Variants in MDGA2 observed in about 807,000 individuals in gnomAD.
MDGA2 encodes MAM domain containing glycosylphosphatidylinositol anchor 2, also known as MAM domain-containing glycosylphosphatidylinositol anchor protein 2.
Under a neutral mutation model 117.8 loss-of-function variants are expected in MDGA2, and 40 were observed. That is an observed-to-expected ratio of 0.34 (90% CI 0.26 to 0.44). The LOEUF (loss-of-function observed/expected upper bound fraction) is 0.44. Among genes scored for constraint, MDGA2 ranks in the 20% least tolerant of loss-of-function variants. MDGA2 has a pLI of 1.00. For synonymous variants in MDGA2, 452 were observed against 439.0 expected, an observed-to-expected ratio of 1.03 and a Z score of -0.37; for missense variants, 1,123 against 1,250.6, an observed-to-expected ratio of 0.90 and a Z score of 1.54.
intron 7 of MDGA2, among the ~76,000 whole-genome samples, chr14:47,058,027 A>G (rs542221135): frequency 6.6e-6 from 1 of 152,266 alleles, no homozygotes; most frequent in African/African-American, 2.4e-5. Flanking sequence ...AAAAGTCATC[A>G]AAAACATATG....
At chr14:47,120,480 T>G (rs556295690) in intron 5 of MDGA2, among the ~76,000 whole-genome samples, 1 of 152,270 alleles carries the variant, frequency 6.6e-6, no homozygotes, top group South Asian at 2.1e-4. Flanking sequence ...CTTTGAAATA[T>G]GAACTAAAGC....
intron 2 of MDGA2, among the ~76,000 whole-genome samples, chr14:47,256,396 C>A (rs564503645): frequency 7.9e-5 from 12 of 152,280 alleles, no homozygotes; most frequent in East Asian, 5.8e-4. Flanking sequence ...GAGTGACACT[C>A]ACCAACAGTA....
intron 1 of MDGA2, among the ~76,000 whole-genome samples, chr14:47,531,774 T>A (rs1483995908): frequency 6.6e-6 from 1 of 152,178 alleles, no homozygotes; most frequent in Non-Finnish European, 1.5e-5. Flanking sequence ...ATTAAGGAAA[T>A]AATGGTTTCT....
intron 1 of MDGA2, among the ~76,000 whole-genome samples, chr14:47,605,088 C>CT (rs113284410): frequency 6.6e-6 from 1 of 151,836 alleles, no homozygotes; most frequent in East Asian, 1.9e-4. Context: ...CCTCCTCTCT[C>CT]TTTTCCCCCA....
intron 1 of MDGA2, among the ~76,000 whole-genome samples, chr14:47,517,977 G>A (rs1230946267): frequency 6.6e-6 from 1 of 152,128 alleles, no homozygotes; most frequent in Non-Finnish European, 1.5e-5. Context: ...TGCCCATGAT[G>A]AGGAGAGAAA....
chr14:47,000,394 T>C (rs1369809556), intron 8 of MDGA2, among the ~76,000 whole-genome samples: 1 of 20,896 alleles, frequency 4.8e-5, no homozygotes, highest in African/African-American at 8.9e-5. Flanking sequence ...TATATATTTA[T>C]ATATAAATAT....
chr14:47,102,394 A>AAAC (rs1880387441), intron 5 of MDGA2, among the ~76,000 whole-genome samples: 2 of 128,516 alleles, frequency 1.6e-5, no homozygotes, highest in South Asian at 2.5e-4. Context: ...CACACACACA[A>AAAC]ACACACACAC....
chr14:47,274,742 T>A (rs1888257509), intron 2 of MDGA2, among the ~76,000 whole-genome samples: 1 of 152,138 alleles, frequency 6.6e-6, no homozygotes, highest in Non-Finnish European at 1.5e-5. Context: ...GACCTTATTT[T>A]TGTTCATAGG....
rs373398923 is a variant in MDGA2 at position 47,449,811 on chromosome 14, T to G, written c.281-148261A>C. Among the ~76,000 whole-genome samples the G allele has an allele frequency of 1.4e-4, 22 of 152,260 alleles. No homozygotes were observed. The South Asian group carries it at 2.9e-3, about 20-fold the overall frequency. Reference sequence around the variant, plus strand: ...TCCAGAATCTTGGTCAGAATGTGCTTTCTTATGCAAAAACAAAAACAAAAA... The same window carrying G: ...TCCAGAATCTTGGTCAGAATGTGCTGTCTTATGCAAAAACAAAAACAAAAA... On this transcript the variant is annotated intron_variant, in intron 1 of 16. Transcript: ENST00000399232.
intron 8 of MDGA2, among the ~76,000 whole-genome samples, chr14:47,017,948 T>C (rs1888141829): frequency 6.6e-6 from 1 of 152,134 alleles, no homozygotes; most frequent in Non-Finnish European, 1.5e-5. Flanking sequence ...CTGGTATTTA[T>C]TGCTCTCTGT....
intron 8 of MDGA2, among the ~76,000 whole-genome samples, chr14:47,022,262 T>G (rs535348908): frequency 2.0e-5 from 3 of 152,084 alleles, no homozygotes; most frequent in Admixed American, 1.3e-4. Context: ...ATTTTTGTAG[T>G]TTTTTGCAGA....
At chr14:47,145,397 C>G (rs186758239) in intron 3 of MDGA2, among the ~76,000 whole-genome samples, 3 of 152,276 alleles carry the variant, frequency 2.0e-5, no homozygotes, top group African/African-American at 7.2e-5. Flanking sequence ...ACAGACACTC[C>G]TCAACCAGCT....
intron 1 of MDGA2, among the ~76,000 whole-genome samples, chr14:47,485,593 C>A (rs544887003): frequency 4.6e-5 from 7 of 152,256 alleles, no homozygotes; most frequent in African/African-American, 7.2e-5. Context: ...CAGGGCATGT[C>A]ACAGGTCTTC....
chr14:46,869,393 G>C (rs1471613629), intron 14 of MDGA2, among the ~76,000 whole-genome samples: 1 of 146,746 alleles, frequency 6.8e-6, no homozygotes, highest in Non-Finnish European at 1.5e-5. Context: ...AAATTCAGTG[G>C]ATTCATCGAG....
chr14:47,384,835 G>A (rs906105404), intron 1 of MDGA2, among the ~76,000 whole-genome samples: 1 of 152,166 alleles, frequency 6.6e-6, no homozygotes, highest in Non-Finnish European at 1.5e-5. Flanking sequence ...CAGATGAACA[G>A]AACACTGCAG....
intron 16 of MDGA2, among the ~76,000 whole-genome samples, chr14:46,842,572 T>A (rs901401085): frequency 2.6e-5 from 4 of 152,178 alleles, no homozygotes; most frequent in African/African-American, 9.7e-5. Flanking sequence ...AGAGGCATGA[T>A]GAAGTCCATT....
chr14:47,648,459 C>T (rs189240362), intron 1 of MDGA2, among the ~76,000 whole-genome samples: 3 of 152,088 alleles, frequency 2.0e-5, no homozygotes, highest in East Asian at 3.9e-4. Flanking sequence ...GAGTGTTTCC[C>T]TCAATGACTA....
chr14:47,012,855 T>C (rs1887943336), intron 8 of MDGA2, among the ~76,000 whole-genome samples: 1 of 152,134 alleles, frequency 6.6e-6, no homozygotes, highest in Non-Finnish European at 1.5e-5. Context: ...TCCCTGTGCA[T>C]ATAAAAATTA....
In MDGA2 at chr14:47,131,766, A is replaced by G. The variant is rs113427111; in HGVS notation, c.873T>C (p.Asn291=). ...ANYSCIASVR[N]VCNIPDKMVS... ...CCATCTTATCAGGAATATTACATAC[A>G]TTCCTCACTGAAGCAATGCAGCTAT... Residue 291 remains asparagine (N), a synonymous_variant, in exon 5 of 17, where the codon AAT becomes AAC. Transcript: ENST00000399232. 3.1e-5 allele frequency: 49 copies of G among 1,588,588 alleles called. No homozygotes were observed. Among genetic ancestry groups the G allele is most frequent in the African/African-American group, 3.1e-4 (23 of 74,798 alleles).
Sources: allele counts gnomAD v4.1 joint callset (sites outside exome capture counted in the v4.1 genomes callset), GRCh38; gene constraint gnomAD v4.1.1; transcripts MANE v1.5; gene names NCBI Gene and HGNC (gene_info 2026-07-23, HGNC 2026-07-21).